Variants in NRG3 observed in about 807,000 individuals in gnomAD.
NRG3 encodes neuregulin 3.
NRG3 carries 31 observed loss-of-function variants against 66.9 expected under a neutral mutation model. That is an observed-to-expected ratio of 0.46 (90% CI 0.35 to 0.63). The LOEUF is 0.63. NRG3 is among the 20% of genes least tolerant of loss of function. The pLI is 0.00. For missense variants in NRG3, 910 were observed against 878.9 expected, an observed-to-expected ratio of 1.04 and a Z score of -0.45; for synonymous variants, 393 against 359.4, an observed-to-expected ratio of 1.09 and a Z score of -1.06.
intron 1 of NRG3, among the ~76,000 whole-genome samples, chr10:82,328,648 C>A (rs1411533102): frequency 6.6e-6 from 1 of 152,110 alleles, no homozygotes; most frequent in African/African-American, 2.4e-5. Flanking sequence ...GGTTTGGGGA[C>A]CTGTAACTGC....
At chr10:82,133,594 T>G (rs982430581) in intron 1 of NRG3, among the ~76,000 whole-genome samples, 8 of 152,192 alleles carry the variant, frequency 5.3e-5, no homozygotes, top group African/African-American at 1.9e-4. Context: ...CATAATCTCC[T>G]TCTTTTTTAT....
chr10:82,400,975 G>T (rs568634610), intron 2 of NRG3, among the ~76,000 whole-genome samples: 1 of 152,072 alleles, frequency 6.6e-6, no homozygotes, highest in Non-Finnish European at 1.5e-5. Context: ...CTTGGGTTTG[G>T]CAATTCAGCT....
chr10:82,445,202 G>A (rs187323768), intron 2 of NRG3, among the ~76,000 whole-genome samples: 78 of 151,388 alleles, frequency 5.2e-4, no homozygotes, highest in African/African-American at 1.8e-3. Context: ...CATTATTTGA[G>A]CTGCCTTGGC....
At chr10:81,951,883 C>A (rs1238800695) in intron 1 of NRG3, among the ~76,000 whole-genome samples, 2 of 152,094 alleles carry the variant, frequency 1.3e-5, no homozygotes, top group Non-Finnish European at 2.9e-5. Context: ...AAATGTCCAA[C>A]AATGATAGAC....
chr10:82,407,711 A>C (rs1447460398), intron 2 of NRG3, among the ~76,000 whole-genome samples: 1 of 152,086 alleles, frequency 6.6e-6, no homozygotes, highest in Admixed American at 6.6e-5. Flanking sequence ...ATCTGAATGG[A>C]GCTAGACATT....
intron 1 of NRG3, among the ~76,000 whole-genome samples, chr10:81,964,686 C>A (rs2059663918): frequency 6.6e-6 from 1 of 152,154 alleles, no homozygotes; most frequent in African/African-American, 2.4e-5. Context: ...AGACTGTCTT[C>A]CAGGAAGGCC....
rs192042873 is a variant in NRG3, at chr10:82,843,650, G to T, written c.1028-21761G>T. Reference sequence around the variant, plus strand: ...TCATCTAAAGACAGATGTTAGGTGAGCACAGCAAAGCACAGCTATCTACTG... The same window carrying T: ...TCATCTAAAGACAGATGTTAGGTGATCACAGCAAAGCACAGCTATCTACTG... On this transcript the variant is annotated intron_variant, in intron 3 of 8. Coordinates refer to ENST00000372141, the MANE Select transcript of NRG3 (RefSeq NM_001010848.4). Among the ~76,000 whole-genome samples the T allele has an allele frequency of 3.9e-5, 6 of 152,256 alleles. No homozygotes were observed. The East Asian group carries it at 1.2e-3, about 29-fold the overall frequency.
At chr10:82,820,804 A>G (rs551114930) in intron 3 of NRG3, among the ~76,000 whole-genome samples, 2 of 152,348 alleles carry the variant, frequency 1.3e-5, no homozygotes, top group South Asian at 2.1e-4. Flanking sequence ...CTTAGCATAC[A>G]TTCCCTACTG....
chr10:82,591,556 A>C (rs1006144517), intron 2 of NRG3, among the ~76,000 whole-genome samples: 3 of 152,168 alleles, frequency 2.0e-5, no homozygotes, highest in African/African-American at 7.2e-5. Flanking sequence ...TTTTCTTTTA[A>C]ATATGTCAAG....
chr10:82,885,780 G>T (rs557756770), intron 4 of NRG3, among the ~76,000 whole-genome samples: 81 of 152,204 alleles, frequency 5.3e-4, no homozygotes, highest in Admixed American at 1.6e-3. Flanking sequence ...CAGTCTGGTT[G>T]CGAACTCCTG....
chr10:82,567,251 C>A (rs550581558), intron 2 of NRG3, among the ~76,000 whole-genome samples: 19 of 151,528 alleles, frequency 1.3e-4, no homozygotes, highest in African/African-American at 4.4e-4. Flanking sequence ...ATATAGGAAA[C>A]ACCTAACACT....
At chr10:82,057,995 A>G (rs891587214) in intron 1 of NRG3, among the ~76,000 whole-genome samples, 30 of 151,142 alleles carry the variant, frequency 2.0e-4, no homozygotes, top group African/African-American at 6.8e-4. Context: ...TTTCTTTGTA[A>G]AGCCTTCTAA....
chr10:82,951,617 G>A (rs1210672572), intron 5 of NRG3, 46 bp downstream of exon 5: 3 of 1,521,682 alleles, frequency 2.0e-6, no homozygotes, highest in East Asian at 4.5e-5. Flanking sequence ...TTTAGAGAAA[G>A]CGCTTTGTGT....
intron 2 of NRG3, among the ~76,000 whole-genome samples, chr10:82,563,063 C>G (rs553362894): frequency 1.3e-5 from 2 of 151,962 alleles, no homozygotes; most frequent in Non-Finnish European, 2.9e-5. Context: ...TGTATACCCA[C>G]GTATATAATA....
rs182958287 is a variant in NRG3, at chr10:81,899,283, C to T, written c.823+23120C>T. 2.5e-3 allele frequency among the ~76,000 whole-genome samples: 388 copies of T among 152,344 alleles called. 1 individual carries two copies. Among genetic ancestry groups the T allele is most frequent in the Non-Finnish European group, 4.4e-3 (301 of 68,042 alleles). On this transcript the variant is annotated intron_variant, in intron 1 of 8. Transcript: ENST00000372141. ...TTCTTTAGTATTTTTGCACTATTGCCTCTGCTTCTACCAAGGAACTTTATC... is the reference window on the plus strand; with the variant it reads ...TTCTTTAGTATTTTTGCACTATTGCTTCTGCTTCTACCAAGGAACTTTATC...
At chr10:82,057,142 A>T (rs938644711) in intron 1 of NRG3, among the ~76,000 whole-genome samples, 1 of 151,910 alleles carries the variant, frequency 6.6e-6, no homozygotes, top group African/African-American at 2.4e-5. Flanking sequence ...ATCACCCCTT[A>T]TATGTGTACT....
intron 3 of NRG3, among the ~76,000 whole-genome samples, chr10:82,743,461 G>A (rs2058514739): frequency 6.6e-6 from 1 of 152,060 alleles, no homozygotes; most frequent in Admixed American, 6.6e-5. Flanking sequence ...TTTCCAGGAA[G>A]AACCACTTCA....
At chr10:82,713,566 G>A (rs910911188) in intron 2 of NRG3, among the ~76,000 whole-genome samples, 5 of 152,180 alleles carry the variant, frequency 3.3e-5, no homozygotes, top group Non-Finnish European at 7.3e-5. Context: ...AGGACACTGC[G>A]TAAAGAAAGG....
At chr10:82,653,579 T>C (rs2051598910) in intron 2 of NRG3, among the ~76,000 whole-genome samples, 1 of 151,962 alleles carries the variant, frequency 6.6e-6, no homozygotes, top group African/African-American at 2.4e-5. Context: ...GGGAATTATA[T>C]TGATAAGACA....
Sources: gnomAD v4.1 joint callset for allele counts (sites outside exome capture counted in the v4.1 genomes callset) on GRCh38, gnomAD v4.1.1 for gene constraint, MANE v1.5 for transcripts, NCBI Gene and HGNC (gene_info 2026-07-23, HGNC 2026-07-21) for gene names.